TLR1: variants seen among roughly 807,000 people sequenced by gnomAD.
The protein encoded by TLR1 is toll-like receptor 1.
A neutral mutation model predicts 20.2 loss-of-function variants in TLR1; 19 were observed. The ratio of observed to expected loss-of-function variants is 0.94; its 90% CI spans 0.66 to 1.38. The LOEUF is 1.38. Among genes scored for constraint, TLR1 ranks in the 40% most tolerant of loss-of-function variants. The pLI is 0.00. For synonymous variants in TLR1, 320 were observed against 334.5 expected (o/e 0.96, Z 0.47); for missense variants, 921 against 910.0 (o/e 1.01, Z -0.16).
At chr4:38,793,389 C>T (rs1725842049), downstream of TLR1, among the ~76,000 whole-genome samples, 1 of 152,186 alleles carries the variant, frequency 6.6e-6, no homozygotes, top group East Asian at 1.9e-4. Flanking sequence ...TCTGCAAATA[C>T]ATGACGGAGC....
downstream of TLR1, among the ~76,000 whole-genome samples, chr4:38,795,370 A>G (rs1725972771): frequency 6.6e-6 from 1 of 152,256 alleles, no homozygotes; most frequent in Non-Finnish European, 1.5e-5. Flanking sequence ...GTAGACTGAC[A>G]GGATGTTTGA....
At position 38,798,883 on chromosome 4, in the gene TLR1, G is replaced by C; in HGVS notation, c.-52C>G. 8.0e-7 allele frequency: 1 copy of C among 1,254,786 alleles called. No individual in the cohort carries two copies. Among genetic ancestry groups the C allele is most frequent in the Non-Finnish European group, 1.1e-6 (1 of 913,010 alleles). 77.7% of individuals were successfully genotyped at this position (1,254,786 alleles called of 1,614,324 possible). A position where few individuals can be genotyped will look rare whatever the true frequency, so the allele number is the denominator to read the frequency against. ...TAGAAGCTGTTCTTCAGATCATCTT[G>C]ATACAGATACAGATTCTAGAAAAAA... is the stretch of plus-strand genomic sequence containing the variant. On this transcript the variant is annotated 5_prime_UTR_variant, in exon 4 of 4. The change creates a new upstream start codon in the 5' untranslated region. Transcript: ENST00000308979.
intron 3 of TLR1, among the ~76,000 whole-genome samples, chr4:38,799,300 T>A (rs879837965): frequency 6.6e-5 from 10 of 152,212 alleles, no homozygotes; most frequent in Admixed American, 2.6e-4. Flanking sequence ...AGTGCTTTTT[T>A]AAGAGAAAGG....
At position 38,796,418 on chromosome 4, in the gene TLR1, C is replaced by G. The variant is rs912583990; in HGVS notation, c.*53G>C. ...ATGCAAAATAAAGTCATTGTTGGAA[C>G]TTCCAAAAGCAGCAATATCAACAGG... is the stretch of plus-strand genomic sequence containing the variant. On this transcript the variant is annotated 3_prime_UTR_variant, in exon 4 of 4. Coordinates refer to ENST00000308979, the MANE Select transcript of TLR1 (RefSeq NM_003263.4). The G allele has an allele frequency of 6.4e-7, 1 of 1,562,456 alleles. No homozygotes were observed. Among genetic ancestry groups the G allele is most frequent in the African/African-American group, 1.4e-5 (1 of 73,342 alleles).
downstream of TLR1, among the ~76,000 whole-genome samples, chr4:38,793,652 T>G (rs943445641): frequency 6.6e-6 from 1 of 152,176 alleles, no homozygotes; most frequent in Non-Finnish European, 1.5e-5. Flanking sequence ...TCTAAAAATT[T>G]TGAGTTTATT....
At chr4:38,799,587 T>C (rs1347313805) in intron 3 of TLR1, among the ~76,000 whole-genome samples, 3 of 152,150 alleles carry the variant, frequency 2.0e-5, no homozygotes, top group African/African-American at 7.2e-5. Context: ...TCATAGAAAG[T>C]TTTCTGGCCC....
intron 3 of TLR1, chr4:38,800,598 C>T (rs1230883211): frequency 6.6e-6 from 1 of 151,828 alleles, no homozygotes; most frequent in Non-Finnish European, 1.5e-5. Flanking sequence ...CAGTCCTCAC[C>T]TCCAGAGACC....
chr4:38,804,709 T>C (rs1177522651), intron 1 of TLR1, 45 bp downstream of exon 1: 1 of 152,230 alleles, frequency 6.6e-6, no homozygotes, highest in East Asian at 1.9e-4. Flanking sequence ...AATAACTAGC[T>C]ATACAATTAT....
downstream of TLR1, among the ~76,000 whole-genome samples, chr4:38,793,160 G>A (rs1323652614): frequency 1.3e-5 from 2 of 152,188 alleles, no homozygotes; most frequent in East Asian, 1.9e-4. Flanking sequence ...CAAGAAGGAT[G>A]GGTGGGGTGT....
chr4:38,799,539 T>A (rs1389059865), intron 3 of TLR1, among the ~76,000 whole-genome samples: 1 of 152,220 alleles, frequency 6.6e-6, no homozygotes, highest in East Asian at 1.9e-4. Flanking sequence ...TTTATGATCA[T>A]CTGTTACAGC....
downstream of TLR1, among the ~76,000 whole-genome samples, chr4:38,788,843 CAA>C (rs1725657823): frequency 6.6e-6 from 1 of 151,930 alleles, no homozygotes; most frequent in Non-Finnish European, 1.5e-5. Flanking sequence ...CCCGTCTCTA[CAA>C]AAAAATTTTT....
intron 2 of TLR1, among the ~76,000 whole-genome samples, chr4:38,801,712 T>C (rs892788343): frequency 3.3e-5 from 5 of 152,218 alleles, no homozygotes; most frequent in African/African-American, 1.2e-4. Context: ...TCGCAGAACC[T>C]ACCACACGCA....
chr4:38,798,338 C>T lies in TLR1; in HGVS notation c.494G>A (p.Ser165Asn). 3.1e-6 allele frequency: 5 copies of T among 1,613,962 alleles called. No individual in the cohort carries two copies. The highest frequency in any genetic ancestry group is 3.4e-6 in the Non-Finnish European group (4 of 1,179,950). Residue 165 changes from serine to asparagine, a missense_variant, in exon 4 of 4, where the codon AGC becomes AAC. Coordinates refer to ENST00000308979, the MANE Select transcript of TLR1 (RefSeq NM_003263.4). ...SVLPIAHLNISKVLLVLGETY... is the reference protein window; with the variant it reads ...SVLPIAHLNINKVLLVLGETY... ...CTCTCCTAAGACCAGCAAGACCTTG[C>T]TGATATTCAAATGAGCAATTGGCAG...
chr4:38,792,865 A>ATATATATATATATATATATATATATATC (rs1345088695), downstream of TLR1, among the ~76,000 whole-genome samples: 2 of 147,942 alleles, frequency 1.4e-5, no homozygotes, highest in East Asian at 4.2e-4. Context: ...ATATATATAT[A>ATATATATATATATATATATATATATATC]TATATATATA....
chr4:38,797,652 T>C lies in TLR1; in HGVS notation c.1180A>G (p.Thr394Ala), dbSNP rs763075657. 47 of 1,613,784 alleles carry C rather than the reference T, an allele frequency of 2.9e-5. No individual in the cohort carries two copies. In the South Asian group the frequency reaches 4.7e-4, roughly 16 times the overall value. The stretch of plus-strand genomic sequence containing the variant: ...TGTTGCAGAGACTTCATCTGTGTAG[T>C]CATTTCAGCTATTTTTGAAAGTTCT... ...LKELSKIAEM[T>A]TQMKSLQQLD... Residue 394 changes from threonine to alanine, a missense_variant, in exon 4 of 4, where the codon ACT (threonine) becomes GCT (alanine). Thr to Ala is a moderately conservative substitution (Grantham distance 58, BLOSUM62 0). Coordinates refer to ENST00000308979, the MANE Select transcript of TLR1 (RefSeq NM_003263.4).
intron 2 of TLR1, among the ~76,000 whole-genome samples, chr4:38,803,456 A>C (rs1726814639): frequency 6.6e-6 from 1 of 152,256 alleles, no homozygotes; most frequent in African/African-American, 2.4e-5. Context: ...CTTCAGTTTT[A>C]TGTCGAGCTA....
Position 38,797,494 on chromosome 4 carries a change from C to T in TLR1, c.1338G>A (p.Arg446=), listed in dbSNP as rs1462101633. Residue 446 remains arginine (R), a synonymous_variant, in exon 4 of 4, where the codon AGG becomes AGA. Coordinates refer to ENST00000308979, the MANE Select transcript of TLR1 (RefSeq NM_003263.4). The part of the protein sequence containing the change: ...TDTIFRCLPP[R]IKVLDLHSNK... ...TGCTGTGAAGATCAAGTACCTTGATCCTGGGAGGTAAACATCTGAAAATAG... is the reference window on the plus strand; with the variant it reads ...TGCTGTGAAGATCAAGTACCTTGATTCTGGGAGGTAAACATCTGAAAATAG... 6.2e-7 allele frequency: 1 copy of T among 1,614,118 alleles called. No homozygotes were observed. The highest frequency in any genetic ancestry group is 1.7e-5 in the Admixed American group (1 of 60,020).
intron 3 of TLR1, among the ~76,000 whole-genome samples, chr4:38,799,515 G>T (rs1726484984): frequency 6.6e-6 from 1 of 152,136 alleles, no homozygotes; most frequent in Admixed American, 6.5e-5. Flanking sequence ...AACGTTGAGG[G>T]CAAAGCCACC....
In TLR1 at chr4:38,798,437, C is replaced by T. The variant is rs781122335; in HGVS notation, c.395G>A (p.Cys132Tyr). The change falls in exon 4 of 4, where the codon TGC (cysteine) becomes TAC (tyrosine). Residue 132 changes from cysteine to tyrosine, a missense_variant. Coordinates refer to ENST00000308979, the MANE Select transcript of TLR1 (RefSeq NM_003263.4). ...SFNAFDALPI[C>Y]KEFGNMSQLK... ...TTGAGACATATTGCCAAACTCTTTG[C>T]ATATAGGCAGGGCATCAAATGCATT... 1.2e-6 allele frequency: 2 copies of T among 1,613,764 alleles called. No homozygotes were observed. Among genetic ancestry groups the T allele is most frequent in the East Asian group, 4.5e-5 (2 of 44,874 alleles).
Sources: gnomAD v4.1 joint callset for allele counts (sites outside exome capture counted in the v4.1 genomes callset) on GRCh38, gnomAD v4.1.1 for gene constraint, MANE v1.5 for transcripts, NCBI Gene and HGNC (gene_info 2026-07-23, HGNC 2026-07-21) for gene names.